The following NFATC3 variants were observed in gnomAD, a reference collection of about 807,000 sequenced individuals.
The protein encoded by NFATC3 is nuclear factor of activated T-cells, cytoplasmic 3.
NFATC3 carries 46 observed loss-of-function variants against 98.6 expected under a neutral mutation model. That is an observed-to-expected ratio of 0.47 (90% CI 0.37 to 0.60). The LOEUF is 0.60. NFATC3 is among the 20% of genes least tolerant of loss of function. NFATC3 has a pLI of 0.00. For synonymous variants in NFATC3, 512 were observed against 472.2 expected (o/e 1.08, Z -1.09); for missense variants, 1,256 against 1,295.5 (o/e 0.97, Z 0.47).
chr16:68,090,888 T>A (rs1444743530), intron 1 of NFATC3, among the ~76,000 whole-genome samples: 4 of 152,136 alleles, frequency 2.6e-5, no homozygotes, highest in Admixed American at 2.0e-4. Context: ...GACGACTGAG[T>A]CGATAATAAA....
Position 68,122,548 on chromosome 16 carries a change from A to G in NFATC3, c.665A>G (p.Glu222Gly), listed in dbSNP as rs772430172. ...GGCTCTCCAGGGGGCTGCCCTGGAGAAGAAACTTGGCATCAACAGTATGGA... is the reference window on the plus strand; with the variant it reads ...GGCTCTCCAGGGGGCTGCCCTGGAGGAGAAACTTGGCATCAACAGTATGGA... The part of the protein sequence containing the change: ...PGGSPGGCPG[E>G]ETWHQQYGLG... The change falls in exon 2 of 10, where the codon GAA (glutamate) becomes GGA (glycine). Residue 222 changes from glutamate (E) to glycine (G), a missense_variant. Glu to Gly is a moderately conservative substitution (Grantham distance 98). This residue lies in a region of NFATC3 where 464 missense variants were observed against 465.7 expected (regional missense o/e 1.00). Coordinates refer to ENST00000346183, the MANE Select transcript of NFATC3 (RefSeq NM_173165.3). 6.2e-7 allele frequency: 1 copy of G among 1,613,916 alleles called. No individual in the cohort carries two copies. The highest frequency in any genetic ancestry group is 1.1e-5 in the South Asian group (1 of 91,062).
rs79239064 is a variant in NFATC3, at chr16:68,101,007, G to A, written c.103+15223G>A. The stretch of plus-strand genomic sequence containing the variant: ...GATTTGTTTTTTAATTCTATTAATA[G>A]TATCTTTTGTAGAAGTTTTACATTT... On this transcript the variant is annotated intron_variant, in intron 1 of 9. Transcript: ENST00000346183. 8.0e-3 allele frequency among the ~76,000 whole-genome samples: 1,208 copies of A among 151,938 alleles called. 16 individuals carry two copies. Among genetic ancestry groups the A allele is most frequent in the African/African-American group, 0.027 (1,133 of 41,412 alleles).
chr16:68,147,208 T>A (rs557486928), intron 3 of NFATC3, among the ~76,000 whole-genome samples: 55 of 152,332 alleles, frequency 3.6e-4, no homozygotes, highest in Non-Finnish European at 4.0e-4. Flanking sequence ...TGACTAGGAT[T>A]CTTTGGTATA....
intron 9 of NFATC3, among the ~76,000 whole-genome samples, chr16:68,206,859 T>C (rs1342806858): frequency 6.6e-6 from 1 of 151,962 alleles, no homozygotes; most frequent in Non-Finnish European, 1.5e-5. Flanking sequence ...GGTGTGCGCC[T>C]GTAGTTCTAG....
chr16:68,184,990 T>TA (rs1295804856), intron 8 of NFATC3, among the ~76,000 whole-genome samples: 3 of 151,916 alleles, frequency 2.0e-5, no homozygotes, highest in South Asian at 4.2e-4. Context: ...TTTATTTATT[T>TA]TTTTTTTTTG....
rs1268555225 is a variant in NFATC3 at position 68,212,175 on chromosome 16, G to T, written c.3107-14175G>T. ...GTATTTAAAATACTTTGCACACACT[G>T]TAATCTTTAAATCACCTCTGAAAAC... On this transcript the variant is annotated intron_variant, in intron 9 of 9. Coordinates refer to ENST00000346183, the MANE Select transcript of NFATC3 (RefSeq NM_173165.3). Among the ~76,000 whole-genome samples, 3 of 152,298 alleles carry T rather than the reference G, an allele frequency of 2.0e-5. No individual in the cohort carries two copies. In the East Asian group the frequency reaches 5.8e-4, roughly 29 times the overall value.
At chr16:68,222,392 A>T (rs1337418766) in intron 9 of NFATC3, among the ~76,000 whole-genome samples, 1 of 151,736 alleles carries the variant, frequency 6.6e-6, no homozygotes, top group African/African-American at 2.4e-5. Context: ...ACCATTTAAA[A>T]TCCGTTTGTA....
chr16:68,181,006 T>C (rs2151625308), intron 6 of NFATC3, among the ~76,000 whole-genome samples: 1 of 152,352 alleles, frequency 6.6e-6, no homozygotes, highest in South Asian at 2.1e-4. Flanking sequence ...TTATAATCCT[T>C]TGGGTATATA....
chr16:68,142,290 C>T (rs1462223937), intron 3 of NFATC3, among the ~76,000 whole-genome samples: 1 of 152,004 alleles, frequency 6.6e-6, no homozygotes, highest in African/African-American at 2.4e-5. Flanking sequence ...AGATCTTTTA[C>T]CTCCTTGTGT....
rs2151628838 is a variant in NFATC3, at chr16:68,183,382, A to G, written c.2098+16A>G. ...TATACACCAGGTACGAGGAGTCATG[A>G]TGGTTTACTATAGAGCTTTCTTTCC... is the stretch of plus-strand genomic sequence containing the variant. On this transcript the variant is annotated intron_variant, in intron 8 of 9. Coordinates refer to ENST00000346183, the MANE Select transcript of NFATC3 (RefSeq NM_173165.3). The G allele has an allele frequency of 1.2e-6, 2 of 1,609,132 alleles. No homozygotes were observed. Among genetic ancestry groups the G allele is most frequent in the Middle Eastern group, 3.3e-4 (2 of 6,050 alleles).
chr16:68,203,422 G>A (rs553383133), intron 9 of NFATC3, among the ~76,000 whole-genome samples: 1 of 151,276 alleles, frequency 6.6e-6, no homozygotes, highest in Non-Finnish European at 1.5e-5. Context: ...GCTTGAGCTC[G>A]GGAGTTTGAG....
rs186104283 is a variant in NFATC3 at position 68,137,731 on chromosome 16, A to C, written c.1401+11121A>C. Among the ~76,000 whole-genome samples the C allele has an allele frequency of 5.5e-3, 821 of 150,390 alleles. 5 individuals carry two copies. Among genetic ancestry groups the C allele is most frequent in the African/African-American group, 0.019 (789 of 40,818 alleles). On this transcript the variant is annotated intron_variant, in intron 3 of 9. Transcript: ENST00000346183. The stretch of plus-strand genomic sequence containing the variant: ...TGGGTTCACGCCATTCTCCTGCCTC[A>C]GCCTCCCGAGTAGCTGGGACTACAG...
At chr16:68,224,833 G>C (rs1390042434) in intron 9 of NFATC3, 3 of 152,072 alleles carry the variant, frequency 2.0e-5, no homozygotes, top group Admixed American at 1.3e-4. Context: ...GTTTATAACA[G>C]CTGTAATGAG....
chr16:68,105,950 C>G (rs1364350156), intron 1 of NFATC3, among the ~76,000 whole-genome samples: 1 of 152,028 alleles, frequency 6.6e-6, no homozygotes, highest in Non-Finnish European at 1.5e-5. Context: ...GCAATCTTGG[C>G]TCACTGCAGC....
intron 1 of NFATC3, among the ~76,000 whole-genome samples, chr16:68,105,857 T>A (rs1378593047): frequency 2.0e-5 from 3 of 152,128 alleles, no homozygotes; most frequent in African/African-American, 7.2e-5. Context: ...TCTAATTTGT[T>A]GGTGTACGAT....
At chr16:68,169,261 A>T (rs888202823) in intron 5 of NFATC3, among the ~76,000 whole-genome samples, 14 of 152,124 alleles carry the variant, frequency 9.2e-5, no homozygotes, top group Admixed American at 7.2e-4. Flanking sequence ...ACTCTATTTT[A>T]AAGTAAAGTT....
chr16:68,102,859 C>G (rs1253713126), intron 1 of NFATC3, among the ~76,000 whole-genome samples: 1 of 152,122 alleles, frequency 6.6e-6, no homozygotes, highest in Non-Finnish European at 1.5e-5. Flanking sequence ...CACACTAACA[C>G]TTGTTTTCTC....
chr16:68,145,635 A>G (rs1567519571), intron 3 of NFATC3, among the ~76,000 whole-genome samples: 1 of 152,194 alleles, frequency 6.6e-6, no homozygotes, highest in Non-Finnish European at 1.5e-5. Context: ...GATTCTATTT[A>G]TGTAATATTT....
At chr16:68,138,077 C>T (rs1463095944) in intron 3 of NFATC3, among the ~76,000 whole-genome samples, 3 of 151,924 alleles carry the variant, frequency 2.0e-5, no homozygotes, top group Non-Finnish European at 4.4e-5. Context: ...TGCTGTTGCC[C>T]GGGCTAGAGT....
Sources: allele counts gnomAD v4.1 joint callset (sites outside exome capture counted in the v4.1 genomes callset), GRCh38; gene constraint gnomAD v4.1.1; regional missense constraint gnomAD v4.1.1; transcripts MANE v1.5; gene names NCBI Gene and HGNC (gene_info 2026-07-23, HGNC 2026-07-21).